The following CLHC1 variants were observed in gnomAD, a reference collection of about 807,000 sequenced individuals.
CLHC1 encodes clathrin heavy chain linker domain-containing protein 1.
A neutral mutation model predicts 69.5 loss-of-function variants in CLHC1; 72 were observed. The ratio of observed to expected loss-of-function variants is 1.04; its 90% CI spans 0.86 to 1.26. The LOEUF (loss-of-function observed/expected upper bound fraction) is 1.26. CLHC1 is among the 50% of genes most tolerant of loss of function. The pLI is 0.00. For synonymous variants in CLHC1, 223 were observed against 224.3 expected, an observed-to-expected ratio of 0.99 and a Z score of 0.05; for missense variants, 790 against 679.3, an observed-to-expected ratio of 1.16 and a Z score of -1.81.
rs1233775880 is a variant in CLHC1, at chr2:55,228,184, T to C, written c.-235A>G. 1 of 152,280 alleles carries C rather than the reference T, an allele frequency of 6.6e-6. No individual in the cohort carries two copies. Among genetic ancestry groups the C allele is most frequent in the East Asian group, 1.9e-4 (1 of 5,196 alleles). The allele number at this position is 152,280 out of a possible 1,614,324, so 9.4% of individuals were successfully genotyped here. A position where few individuals can be genotyped will look rare whatever the true frequency, so the allele number is the denominator to read the frequency against. On this transcript the variant is annotated 5_prime_UTR_variant, in exon 2 of 13. In the 5' UTR this introduces an upstream ATG that the reference lacks. Coordinates refer to ENST00000401408, the MANE Select transcript of CLHC1 (RefSeq NM_152385.4). ...CACTGCCTTAGAGACTTCCTGTTTA[T>C]ATTCTGTCTCATCTGTTAGGCTGTA...
At chr2:55,223,467 C>G (rs895074474) in intron 2 of CLHC1, among the ~76,000 whole-genome samples, 7 of 152,112 alleles carry the variant, frequency 4.6e-5, no homozygotes, top group Non-Finnish European at 1.0e-4. Flanking sequence ...CCCGCGCAGC[C>G]TCAGGGCACC....
rs1389414485 is a variant in CLHC1 at position 55,229,099 on chromosome 2, T to C, written c.-255-895A>G. On this transcript the variant is annotated intron_variant, in intron 1 of 12. Transcript: ENST00000401408. The stretch of plus-strand genomic sequence containing the variant: ...CAGAGAGGTGGAGGTTGCAGTGGGC[T>C]AAGATCATACCACTGCAATCCAGCC... Among the ~76,000 whole-genome samples the C allele has an allele frequency of 1.2e-4, 16 of 128,046 alleles. No individual in the cohort carries two copies. The Admixed American group carries it at 1.5e-3, about 12-fold the overall frequency. 84.0% of individuals were successfully genotyped at this position (128,046 alleles called of 152,430 possible).
intron 5 of CLHC1, 40 bp downstream of exon 5, chr2:55,212,633 A>C: frequency 6.6e-7 from 1 of 1,515,358 alleles, no homozygotes. Flanking sequence ...ATTGGAAATA[A>C]TCAGGATTTC....
At chr2:55,228,330 A>C (rs2104146889) in intron 1 of CLHC1, 126 bp from the exon 2 acceptor site, 1 of 152,376 alleles carries the variant, frequency 6.6e-6, no homozygotes, top group South Asian at 2.1e-4. Flanking sequence ...TTTGCTGAAT[A>C]ATCAATAATC....
At chr2:55,180,455 T>C in intron 11 of CLHC1, 55 bp downstream of exon 11, 1 of 1,333,160 alleles carries the variant, frequency 7.5e-7, no homozygotes. Flanking sequence ...ATGGGTAATC[T>C]TACAATTAAA....
At chr2:55,215,937 GA>G (rs2103995055) in intron 4 of CLHC1, 1 of 152,120 alleles carries the variant, frequency 6.6e-6, no homozygotes, top group South Asian at 2.1e-4. Context: ...CATATTACCA[GA>G]AATGGAGGTC....
intron 9 of CLHC1, among the ~76,000 whole-genome samples, chr2:55,200,265 A>G (rs993381277): frequency 1.3e-5 from 2 of 151,274 alleles, no homozygotes; most frequent in African/African-American, 4.9e-5. Flanking sequence ...AGTAGATAAA[A>G]AAAAAAGACC....
intron 9 of CLHC1, among the ~76,000 whole-genome samples, chr2:55,189,276 T>C (rs575397130): frequency 6.6e-6 from 1 of 152,202 alleles, no homozygotes; most frequent in Non-Finnish European, 1.5e-5. Context: ...AAAGAACTGA[T>C]GAAAATAATT....
chr2:55,212,500 G>A (rs1257343548), intron 5 of CLHC1, among the ~76,000 whole-genome samples, 173 bp downstream of exon 5: 1 of 152,200 alleles, frequency 6.6e-6, no homozygotes, highest in Non-Finnish European at 1.5e-5. Flanking sequence ...ATCTTTTAGA[G>A]TTCGTTTTTC....
intron 1 of CLHC1, among the ~76,000 whole-genome samples, chr2:55,229,166 A>AAAG (rs1553362111): frequency 5.4e-5 from 8 of 148,566 alleles, no homozygotes. Context: ...AAAAAAAAAA[A>AAAG]AAAGAAAGAA....
intron 9 of CLHC1, among the ~76,000 whole-genome samples, chr2:55,184,210 A>G (rs1670200385): frequency 6.8e-6 from 1 of 147,898 alleles, no homozygotes; most frequent in Admixed American, 6.9e-5. Context: ...GGCTCAGGTG[A>G]TCCTCCCACT....
In CLHC1 at chr2:55,208,865, C is replaced by CCTTTTTTTTTTTTTTTTTT. The variant is rs1553353361; in HGVS notation, c.815-156_815-155insAAAAAAAAAAAAAAAAAAG. 4.4e-5 allele frequency among the ~76,000 whole-genome samples: 4 copies of CCTTTTTTTTTTTTTTTTTT among 90,820 alleles called. 1 individual carries two copies. Among genetic ancestry groups the CCTTTTTTTTTTTTTTTTTT allele is most frequent in the Non-Finnish European group, 2.2e-5 (1 of 45,762 alleles). The allele number at this position is 90,820 out of a possible 152,430, so 59.6% of individuals were successfully genotyped here. On this transcript the variant is annotated intron_variant, in intron 7 of 12. Coordinates refer to ENST00000401408, the MANE Select transcript of CLHC1 (RefSeq NM_152385.4). ...TTAGTGGCCTCCCCGTCCCTTTCCT[C>CCTTTTTTTTTTTTTTTTTT]TTTTTTTTTTTTTTTTTTTTTTTGA... is the stretch of plus-strand genomic sequence containing the variant.
chr2:55,226,146 C>A (rs895452784), intron 2 of CLHC1, among the ~76,000 whole-genome samples: 1 of 149,626 alleles, frequency 6.7e-6, no homozygotes, highest in East Asian at 2.0e-4. Context: ...GAGCCAAGAT[C>A]GCACCACTGC....
At position 55,197,626 on chromosome 2, in the gene CLHC1, G is replaced by A. The variant is rs531465895; in HGVS notation, c.1006+8644C>T. On this transcript the variant is annotated intron_variant, in intron 9 of 12. Transcript: ENST00000401408. ...ATTCTTCTGGATCTTATCCAAAACCGCAAAGGTGGTACCTCTAATGCAGAT... is the reference window on the plus strand; with the variant it reads ...ATTCTTCTGGATCTTATCCAAAACCACAAAGGTGGTACCTCTAATGCAGAT... 9.2e-5 allele frequency among the ~76,000 whole-genome samples: 14 copies of A among 152,244 alleles called. No individual in the cohort carries two copies. In the East Asian group the frequency reaches 2.1e-3, roughly 23 times the overall value.
chr2:55,199,383 A>G (rs1671729703), intron 9 of CLHC1, among the ~76,000 whole-genome samples: 1 of 152,016 alleles, frequency 6.6e-6, no homozygotes, highest in African/African-American at 2.4e-5. Context: ...ATAAGAAATT[A>G]AAGGTACAAA....
At chr2:55,181,875 T>C (rs992423233) in intron 9 of CLHC1, 131 bp from the exon 10 acceptor site, 8 of 700,512 alleles carry the variant, frequency 1.1e-5, no homozygotes, top group Non-Finnish European at 1.9e-5. Context: ...ATTTATAATT[T>C]TTAACTCATG....
At chr2:55,206,518 A>C in intron 8 of CLHC1, 142 bp from the exon 9 acceptor site, 2 of 639,470 alleles carry the variant, frequency 3.1e-6, no homozygotes, top group Non-Finnish European at 5.5e-6. Context: ...CTATAACTAG[A>C]ATCATTCACA....
At chr2:55,192,160 C>G (rs1670994725) in intron 9 of CLHC1, among the ~76,000 whole-genome samples, 1 of 152,130 alleles carries the variant, frequency 6.6e-6, no homozygotes, top group African/African-American at 2.4e-5. Flanking sequence ...TGCTCTGTCA[C>G]CCAGGCTGGA....
intron 9 of CLHC1, among the ~76,000 whole-genome samples, chr2:55,194,434 TAG>T (rs1204284076): frequency 6.6e-6 from 1 of 151,952 alleles, no homozygotes. Flanking sequence ...GAAAAACCTA[TAG>T]CTAATAATTA....
Sources: allele counts gnomAD v4.1 joint callset (sites outside exome capture counted in the v4.1 genomes callset), GRCh38; gene constraint gnomAD v4.1.1; transcripts MANE v1.5; gene names NCBI Gene and HGNC (gene_info 2026-07-23, HGNC 2026-07-21).